The following SHANK2 variants were observed in gnomAD, a reference collection of about 807,000 sequenced individuals.
The protein encoded by SHANK2 is SH3 and multiple ankyrin repeat domains 2.
SHANK2 carries 43 observed loss-of-function variants against 133.7 expected under a neutral mutation model. That is an observed-to-expected ratio of 0.32 (90% CI 0.25 to 0.41). The LOEUF is 0.41. Among genes scored for constraint, SHANK2 ranks in the 10% least tolerant of loss-of-function variants. The pLI is 1.00. For synonymous variants in SHANK2, 1,017 were observed against 952.8 expected (o/e 1.07, Z -1.24); for missense variants, 1,994 against 2,235.8 (o/e 0.89, Z 2.18).
At chr11:70,489,141 T>C (rs1555155097) in intron 24 of SHANK2, 187 bp downstream of exon 24, 24 of 622,992 alleles carry the variant, frequency 3.9e-5, no homozygotes, top group Non-Finnish European at 4.4e-5. Flanking sequence ...AAATTTAACA[T>C]ACTCCTTGTG....
At chr11:70,516,930 G>A (rs2059273325) in intron 17 of SHANK2, among the ~76,000 whole-genome samples, 5 of 152,062 alleles carry the variant, frequency 3.3e-5, no homozygotes, top group Non-Finnish European at 5.9e-5. Flanking sequence ...AAAATCAGCC[G>A]GGCATGGTGG....
chr11:70,856,758 G>A (rs1304660712), intron 11 of SHANK2, among the ~76,000 whole-genome samples: 5 of 152,102 alleles, frequency 3.3e-5, no homozygotes, highest in Non-Finnish European at 7.4e-5. Context: ...TTGAATCAGA[G>A]AATTTCAAGG....
intron 10 of SHANK2, among the ~76,000 whole-genome samples, chr11:70,914,854 G>A (rs547191063): frequency 2.3e-4 from 34 of 144,936 alleles, no homozygotes; most frequent in African/African-American, 6.4e-4. Flanking sequence ...AGCTATAATC[G>A]CACCACTGCA....
In SHANK2 at chr11:70,668,404, G is replaced by A. The variant is rs144099029; in HGVS notation, c.1854-6726C>T. On this transcript the variant is annotated intron_variant, in intron 15 of 25. Transcript: ENST00000601538. ...GTGGAGGCTGGAGTGATGTGGCCCA[G>A]CTGAGGAGCACCAAGGACTGCAGGC... 5.5e-3 allele frequency: 844 copies of A among 152,962 alleles called. 2 individuals carry two copies. The highest frequency in any genetic ancestry group is 0.01 in the Non-Finnish European group (705 of 68,538). The allele number at this position is 152,962 out of a possible 1,614,324, so 9.5% of individuals were successfully genotyped here.
intron 17 of SHANK2, among the ~76,000 whole-genome samples, chr11:70,598,104 C>T (rs1466092290): frequency 6.6e-6 from 1 of 152,214 alleles, no homozygotes; most frequent in Admixed American, 6.5e-5. Flanking sequence ...TCTGGCCATG[C>T]GCTGGAGTCC....
In SHANK2 at chr11:70,739,006, A is replaced by C. The variant is rs1392075709; in HGVS notation, c.1778-40243T>G. Among the ~76,000 whole-genome samples the C allele has an allele frequency of 1.3e-5, 2 of 152,172 alleles. No homozygotes were observed. The highest frequency in any genetic ancestry group is 2.9e-5 in the Non-Finnish European group (2 of 68,034). ...CGACGGAAGGACCTGTGGTGTTCAG[A>C]CACCCCTCTGGATTCAGTGAGTAGG... On this transcript the variant is annotated intron_variant, in intron 14 of 25. Transcript: ENST00000601538. This position sits in a 1 kb window ranked among gnomAD's most constrained non-coding sequence, Gnocchi z 4.3.
intron 3 of SHANK2, among the ~76,000 whole-genome samples, chr11:71,140,679 G>A (rs782687992): frequency 7.9e-5 from 12 of 152,220 alleles, no homozygotes; most frequent in Non-Finnish European, 1.0e-4. Context: ...CGGGCTGAAC[G>A]CCAACCCGCA....
chr11:70,539,795 C>T, intron 17 of SHANK2, among the ~76,000 whole-genome samples: 1 of 152,138 alleles, frequency 6.6e-6, no homozygotes, highest in South Asian at 2.1e-4. Context: ...AGCAGAGGGC[C>T]TGGGTGCTTT....
intron 15 of SHANK2, among the ~76,000 whole-genome samples, chr11:70,687,501 T>C (rs1376954481): frequency 6.6e-6 from 1 of 151,360 alleles, no homozygotes; most frequent in East Asian, 2.0e-4. Flanking sequence ...AATGGGCCAT[T>C]GTGGGGCAAT....
At chr11:70,670,956 C>T (rs1325381348) in intron 15 of SHANK2, among the ~76,000 whole-genome samples, 6 of 152,202 alleles carry the variant, frequency 3.9e-5, no homozygotes, top group East Asian at 1.9e-4. Context: ...CAGAGACGTG[C>T]GCTGGCGGAA....
At chr11:70,917,758 G>A (rs1046190256) in intron 10 of SHANK2, among the ~76,000 whole-genome samples, 1 of 152,170 alleles carries the variant, frequency 6.6e-6, no homozygotes, top group African/African-American at 2.4e-5. Context: ...GCAGAAACAG[G>A]AAACCAAATA....
intron 11 of SHANK2, among the ~76,000 whole-genome samples, chr11:70,888,508 G>T (rs1314039495): frequency 6.6e-6 from 1 of 152,146 alleles, no homozygotes; most frequent in East Asian, 1.9e-4. Context: ...GGGAAGGCAG[G>T]TTTGAGGTCA....
intron 9 of SHANK2, among the ~76,000 whole-genome samples, chr11:71,059,804 G>A (rs1950965828): frequency 6.6e-6 from 1 of 152,232 alleles, no homozygotes; most frequent in East Asian, 1.9e-4. Context: ...GCATCCTGGG[G>A]CCTCGGTGAC....
chr11:70,659,819 T>C lies in SHANK2; in HGVS notation c.2061+9A>G. The C allele has an allele frequency of 6.2e-7, 1 of 1,614,094 alleles. No individual in the cohort carries two copies. The highest frequency in any genetic ancestry group is 8.5e-7 in the Non-Finnish European group (1 of 1,180,008). On this transcript the variant is annotated intron_variant, in intron 17 of 25. Transcript: ENST00000601538. ...CCAAGCAGAAAGATACAGACACCTG[T>C]GTCCCTACCTCAATCAAGAAGTCCC...
At chr11:71,198,633 G>A (rs1215614820) in intron 2 of SHANK2, among the ~76,000 whole-genome samples, 1 of 152,130 alleles carries the variant, frequency 6.6e-6, no homozygotes, top group African/African-American at 2.4e-5. Context: ...ATCCATGGCT[G>A]ACTCCACACC....
In SHANK2 at chr11:70,581,753, G is replaced by A. The variant is rs1430775032; in HGVS notation, c.2061+78075C>T. 2.5e-4 allele frequency among the ~76,000 whole-genome samples: 38 copies of A among 152,190 alleles called. 2 individuals are homozygous for A. The highest frequency in any genetic ancestry group is 2.5e-3 in the Admixed American group (38 of 15,280). On this transcript the variant is annotated intron_variant, in intron 17 of 25. Transcript: ENST00000601538. ...AGGCAAAGACTGAAGTTGGGGCCTG[G>A]TGCACACAGCAGCATTCCATGAGTA...
At chr11:70,910,896 G>A in intron 10 of SHANK2, 1 of 438,370 alleles carries the variant, frequency 2.3e-6, no homozygotes, top group Admixed American at 2.4e-5. Flanking sequence ...TTGCTTGGTG[G>A]TGCGTGTGTG....
intron 11 of SHANK2, among the ~76,000 whole-genome samples, chr11:70,841,653 G>A (rs782124385): frequency 2.0e-5 from 3 of 152,174 alleles, no homozygotes; most frequent in Admixed American, 2.0e-4. Context: ...GAAGGTCCGG[G>A]GCCCCTTTCC....
intron 3 of SHANK2, among the ~76,000 whole-genome samples, chr11:71,124,059 ATAATGGTGATGATGGAGATGTTGG>A (rs1294101086): frequency 1.3e-5 from 2 of 149,322 alleles, no homozygotes; most frequent in African/African-American, 2.5e-5. Flanking sequence ...GATGGTGGTG[ATAATGGTGATGATGGAGATGTTGG>A]TAATGGCGAT....
Sources: gnomAD v4.1 joint callset for allele counts (sites outside exome capture counted in the v4.1 genomes callset) on GRCh38, gnomAD v4.1.1 for gene constraint, Gnocchi (gnomAD v3.1) non-coding constraint, MANE v1.5 for transcripts, NCBI Gene and HGNC (gene_info 2026-07-23, HGNC 2026-07-21) for gene names.